Variants in TMEM200A observed in about 807,000 individuals in gnomAD.
TMEM200A encodes the protein two transmembrane C.
TMEM200A carries 12 observed loss-of-function variants against 24.3 expected under a neutral mutation model. That is an observed-to-expected ratio of 0.49 (90% CI 0.32 to 0.80). TMEM200A has a LOEUF of 0.80. Among genes scored for constraint, TMEM200A ranks in the 30% least tolerant of loss-of-function variants. The pLI, the probability that TMEM200A is intolerant of heterozygous loss-of-function variation, is 0.04. For synonymous variants in TMEM200A, 224 were observed against 224.4 expected (o/e 1.00, Z 0.02); for missense variants, 545 against 614.4 (o/e 0.89, Z 1.19).
Position 130,366,393 on chromosome 6 carries a change from T to A in TMEM200A, c.-212T>A. The A allele has an allele frequency of 1.0e-6, 1 of 985,282 alleles. No individual in the cohort carries two copies. The highest frequency in any genetic ancestry group is 1.2e-6 in the Non-Finnish European group (1 of 830,054). The allele number at this position is 985,282 out of a possible 1,614,324, so 61.0% of individuals were successfully genotyped here. On this transcript the variant is annotated 5_prime_UTR_variant, in exon 1 of 3. It removes the in-frame stop codon of an upstream open reading frame in the 5' UTR. Coordinates refer to ENST00000296978, the MANE Select transcript of TMEM200A (RefSeq NM_001258277.2). This position sits in a 1 kb window ranked among gnomAD's most constrained non-coding sequence, Gnocchi z 4.4. ...TGCCCGCGGCGGCCGAGATTCCCGCTGACGCCCCCGACCCTGCCGCCTTCT... is the reference window on the plus strand; with the variant it reads ...TGCCCGCGGCGGCCGAGATTCCCGCAGACGCCCCCGACCCTGCCGCCTTCT...
intron 2 of TMEM200A, among the ~76,000 whole-genome samples, chr6:130,392,078 T>C (rs1778847868): frequency 6.6e-6 from 1 of 152,128 alleles, no homozygotes; most frequent in Admixed American, 6.5e-5. Context: ...GTAGGGGTTC[T>C]GGAGTGAGAA....
At chr6:130,393,856 A>G (rs962190325) in intron 2 of TMEM200A, among the ~76,000 whole-genome samples, 4 of 152,188 alleles carry the variant, frequency 2.6e-5, no homozygotes, top group Non-Finnish European at 5.9e-5. Context: ...GTCCAAATAC[A>G]TCATCTTTAA....
chr6:130,409,279 T>A (rs994562835), intron 2 of TMEM200A, among the ~76,000 whole-genome samples: 8 of 152,234 alleles, frequency 5.3e-5, no homozygotes, highest in African/African-American at 1.9e-4. Context: ...AAAGCCTATT[T>A]TTAAATTTCA....
At chr6:130,402,192 A>G (rs1265772165) in intron 2 of TMEM200A, among the ~76,000 whole-genome samples, 2 of 152,046 alleles carry the variant, frequency 1.3e-5, no homozygotes, top group African/African-American at 4.8e-5. Context: ...AATAGTTCAT[A>G]TAATAAACAA....
At position 130,442,014 on chromosome 6, in the gene TMEM200A, A is replaced by G; in HGVS notation, c.*116A>G. On this transcript the variant is annotated 3_prime_UTR_variant, in exon 3 of 3. Coordinates refer to ENST00000296978, the MANE Select transcript of TMEM200A (RefSeq NM_001258277.2). ...TTAATCAAATGGTTTGTAGTGTATT[A>G]GAATTGGCTGCTTAGTTCTGTAATG... 9.4e-7 allele frequency: 1 copy of G among 1,061,846 alleles called. No individual in the cohort carries two copies. The highest frequency in any genetic ancestry group is 1.3e-6 in the Non-Finnish European group (1 of 747,484). The allele number at this position is 1,061,846 out of a possible 1,614,324, so 65.8% of individuals were successfully genotyped here.
chr6:130,383,209 G>A (rs537065573), intron 1 of TMEM200A: 75 of 265,710 alleles, frequency 2.8e-4, no homozygotes, highest in Non-Finnish European at 3.7e-4. Context: ...CAAACCAAGG[G>A]CATTAACTAG....
chr6:130,438,928 GT>G (rs1780088116), intron 2 of TMEM200A: 1 of 152,280 alleles, frequency 6.6e-6, no homozygotes, highest in African/African-American at 2.4e-5. Flanking sequence ...ATGTGGGTAT[GT>G]GAAGAACAGG....
intron 2 of TMEM200A, among the ~76,000 whole-genome samples, chr6:130,426,984 C>A (rs771348843): frequency 2.0e-5 from 3 of 152,146 alleles, no homozygotes; most frequent in African/African-American, 4.8e-5. Flanking sequence ...GTCTTTCTTT[C>A]CTGAACTTAT....
intron 2 of TMEM200A, among the ~76,000 whole-genome samples, chr6:130,409,328 G>A (rs1261488418): frequency 1.3e-5 from 2 of 152,080 alleles, no homozygotes; most frequent in African/African-American, 4.8e-5. Context: ...TTTACCCTTT[G>A]AATGAGCATG....
At chr6:130,378,751 G>C (rs1259005153) in intron 1 of TMEM200A, among the ~76,000 whole-genome samples, 1 of 150,700 alleles carries the variant, frequency 6.6e-6, no homozygotes, top group East Asian at 2.0e-4. Flanking sequence ...AAGATCTTGA[G>C]TAAGAATAGC....
intron 1 of TMEM200A, among the ~76,000 whole-genome samples, chr6:130,367,827 T>A (rs1778222613): frequency 6.6e-6 from 1 of 152,220 alleles, no homozygotes; most frequent in Non-Finnish European, 1.5e-5. Context: ...TTAGAATGAT[T>A]TTTTAACCAA....
At chr6:130,433,314 C>A (rs1583230034) in intron 2 of TMEM200A, among the ~76,000 whole-genome samples, 1 of 151,798 alleles carries the variant, frequency 6.6e-6, no homozygotes, top group Admixed American at 6.6e-5. Flanking sequence ...TTTTTTGTAT[C>A]TTTAGTAGAG....
chr6:130,365,890 G>C, upstream of TMEM200A: 2 of 985,400 alleles, frequency 2.0e-6, no homozygotes, highest in Non-Finnish European at 2.4e-6. Context: ...CAGGTTTTGG[G>C]GCGGCGGCGA....
chr6:130,412,220 G>T (rs1583209001), intron 2 of TMEM200A, among the ~76,000 whole-genome samples: 1 of 148,868 alleles, frequency 6.7e-6, no homozygotes. Context: ...AGTGGAAAAT[G>T]GTATTTAGAA....
At chr6:130,430,583 T>C (rs1211553708) in intron 2 of TMEM200A, among the ~76,000 whole-genome samples, 4 of 152,192 alleles carry the variant, frequency 2.6e-5, no homozygotes, top group Non-Finnish European at 5.9e-5. Flanking sequence ...TCCTTTTTTT[T>C]CTAATACGTT....
chr6:130,405,850 G>C (rs924061641), intron 2 of TMEM200A, among the ~76,000 whole-genome samples: 2 of 152,144 alleles, frequency 1.3e-5, no homozygotes, highest in Non-Finnish European at 2.9e-5. Flanking sequence ...GATAGACACT[G>C]CACATGCTTA....
chr6:130,370,238 G>A (rs565056586), intron 1 of TMEM200A, among the ~76,000 whole-genome samples: 8 of 152,244 alleles, frequency 5.3e-5, no homozygotes, highest in African/African-American at 1.9e-4. Flanking sequence ...AGAAAAAGAG[G>A]TCCTTTCTCT....
At chr6:130,367,583 A>G (rs1301114621) in intron 1 of TMEM200A, among the ~76,000 whole-genome samples, 1 of 152,224 alleles carries the variant, frequency 6.6e-6, no homozygotes, top group Non-Finnish European at 1.5e-5. Flanking sequence ...AAGCATTATC[A>G]TTTTGTGAAA....
Position 130,402,974 on chromosome 6 carries a change from C to A in TMEM200A, c.-17+17738C>A, listed in dbSNP as rs77792492. ...TATGCCCCCATATCACTTTTAACTG[C>A]AATTTCTGCATCTTGCCTCCAGTTA... is the stretch of plus-strand genomic sequence containing the variant. On this transcript the variant is annotated intron_variant, in intron 2 of 2. Coordinates refer to ENST00000296978, the MANE Select transcript of TMEM200A (RefSeq NM_001258277.2). 7.2e-5 allele frequency among the ~76,000 whole-genome samples: 11 copies of A among 152,160 alleles called. No homozygotes were observed. In the East Asian group the frequency reaches 1.9e-3, roughly 27 times the overall value.
Sources: allele counts gnomAD v4.1 joint callset (sites outside exome capture counted in the v4.1 genomes callset), GRCh38; gene constraint gnomAD v4.1.1; non-coding constraint Gnocchi (gnomAD v3.1); transcripts MANE v1.5; gene names NCBI Gene and HGNC (gene_info 2026-07-23, HGNC 2026-07-21).